Variants in KLF12 observed in about 807,000 individuals in gnomAD.
KLF12 encodes Krueppel-like factor 12.
A neutral mutation model predicts 37.8 loss-of-function variants in KLF12; 9 were observed. The ratio of observed to expected loss-of-function variants is 0.24; its 90% CI spans 0.14 to 0.42. The LOEUF (loss-of-function observed/expected upper bound fraction) is 0.42. Among genes scored for constraint, KLF12 ranks in the 10% least tolerant of loss-of-function variants. The pLI is 1.00. For missense variants in KLF12, 411 were observed against 516.0 expected (o/e 0.80, Z 1.97); for synonymous variants, 208 against 202.1 (o/e 1.03, Z -0.25).
At chr13:73,738,064 TATATACACACACATATATGTATGTGTAC>T (rs1191128019) in intron 6 of KLF12, among the ~76,000 whole-genome samples, 8 of 148,532 alleles carry the variant, frequency 5.4e-5, no homozygotes, top group Admixed American at 2.0e-4. Flanking sequence ...TGTATATATA[TATATACACACACATATATGTATGTGTAC>T]ATATATATAT....
intron 3 of KLF12, among the ~76,000 whole-genome samples, chr13:73,890,654 A>C (rs901340122): frequency 6.6e-6 from 1 of 151,698 alleles, no homozygotes; most frequent in African/African-American, 2.4e-5. Flanking sequence ...GACTAGACCA[A>C]ATCAGAATGG....
At chr13:73,992,275 T>G (rs1891989293) in intron 2 of KLF12, among the ~76,000 whole-genome samples, 1 of 152,208 alleles carries the variant, frequency 6.6e-6, no homozygotes, top group Non-Finnish European at 1.5e-5. Context: ...CTGAAGTGTG[T>G]ATCCACCAGA....
intron 1 of KLF12, among the ~76,000 whole-genome samples, chr13:74,014,231 A>T (rs1311598873): frequency 6.6e-6 from 1 of 152,226 alleles, no homozygotes; most frequent in Non-Finnish European, 1.5e-5. Flanking sequence ...GTATTTCAGC[A>T]GTTGAGGCAC....
chr13:73,718,041 T>G (rs1244606597), intron 6 of KLF12, among the ~76,000 whole-genome samples: 1 of 152,238 alleles, frequency 6.6e-6, no homozygotes, highest in African/African-American at 2.4e-5. Context: ...AGTATTTGTT[T>G]TCTGCAAGTT....
chr13:73,809,478 G>A (rs1001582597), intron 5 of KLF12, among the ~76,000 whole-genome samples: 4 of 99,870 alleles, frequency 4.0e-5, no homozygotes, highest in Admixed American at 3.9e-4. Context: ...TGTGCACACT[G>A]AAAGTTAACT....
intron 3 of KLF12, among the ~76,000 whole-genome samples, chr13:73,897,457 C>T (rs955582554): frequency 2.0e-5 from 3 of 152,170 alleles, no homozygotes; most frequent in Non-Finnish European, 2.9e-5. Flanking sequence ...TCAGCTCCCC[C>T]ATCCGAATCA....
chr13:74,178,374 G>T, the KLF12 span, among the ~76,000 whole-genome samples: 1 of 152,184 alleles, frequency 6.6e-6, no homozygotes, highest in African/African-American at 2.4e-5. Context: ...TGCCTTAAAA[G>T]AAATGGGTTC....
chr13:73,898,656 G>T (rs931553012), intron 3 of KLF12, among the ~76,000 whole-genome samples: 3 of 152,122 alleles, frequency 2.0e-5, no homozygotes, highest in South Asian at 2.1e-4. Flanking sequence ...ACAAGGAGGG[G>T]CTTACCCTAA....
At chr13:73,849,406 G>A (rs2138712344) in intron 3 of KLF12, among the ~76,000 whole-genome samples, 1 of 143,378 alleles carries the variant, frequency 7.0e-6, no homozygotes, top group African/African-American at 2.8e-5. Flanking sequence ...AAAAAGCATT[G>A]GTTCTGAGAT....
At chr13:73,989,398 A>T (rs1472517770) in intron 2 of KLF12, among the ~76,000 whole-genome samples, 1 of 152,236 alleles carries the variant, frequency 6.6e-6, no homozygotes, top group Non-Finnish European at 1.5e-5. Flanking sequence ...ACATCAGACT[A>T]AGTGAATACA....
intron 1 of KLF12, among the ~76,000 whole-genome samples, chr13:74,082,279 G>A (rs1029561713): frequency 6.6e-6 from 1 of 151,802 alleles, no homozygotes; most frequent in Non-Finnish European, 1.5e-5. Context: ...CTGCCATCCA[G>A]CCTTCACAAT....
At chr13:73,867,965 G>A (rs973911886) in intron 3 of KLF12, among the ~76,000 whole-genome samples, 1 of 150,786 alleles carries the variant, frequency 6.6e-6, no homozygotes, top group Non-Finnish European at 1.5e-5. Context: ...AGGTTGCAGT[G>A]AGCCAAGATT....
At chr13:74,087,997 C>T (rs942997640) in intron 1 of KLF12, among the ~76,000 whole-genome samples, 5 of 152,016 alleles carry the variant, frequency 3.3e-5, no homozygotes, top group African/African-American at 1.2e-4. Flanking sequence ...TACCAATATA[C>T]TCTTATTCCT....
chr13:73,802,496 G>A (rs2138352274), intron 5 of KLF12, among the ~76,000 whole-genome samples: 1 of 151,698 alleles, frequency 6.6e-6, no homozygotes. Flanking sequence ...TCAGATTTAG[G>A]GGCAACAATG....
At chr13:74,297,382 C>G in the KLF12 span, among the ~76,000 whole-genome samples, 1 of 152,174 alleles carries the variant, frequency 6.6e-6, no homozygotes, top group African/African-American at 2.4e-5. Context: ...CTGGACTTCT[C>G]CGAACCTTTA....
In KLF12 at chr13:74,096,369, T is replaced by C. The variant is rs543866264; in HGVS notation, c.-32+37370A>G. Among the ~76,000 whole-genome samples, 64 of 152,180 alleles carry C rather than the reference T, an allele frequency of 4.2e-4. No individual in the cohort carries two copies. The South Asian group carries it at 0.013, about 30-fold the overall frequency. ...ATCTAAAAGTGAACTAGACCACATA[T>C]AACTACAGGAAGAAATCCCCTCTCT... On this transcript the variant is annotated intron_variant, in intron 1 of 7. Transcript: ENST00000377669.
intron 1 of KLF12, among the ~76,000 whole-genome samples, chr13:74,031,681 T>G (rs1163308660): frequency 6.6e-6 from 1 of 152,076 alleles, no homozygotes; most frequent in Non-Finnish European, 1.5e-5. Flanking sequence ...ATAACTAAAA[T>G]AGTTAATATC....
chr13:74,192,701 T>C, the KLF12 span, among the ~76,000 whole-genome samples: 1 of 152,224 alleles, frequency 6.6e-6, no homozygotes, highest in Non-Finnish European at 1.5e-5. Context: ...TTGGATGTCT[T>C]ACATTAAAGA....
the KLF12 span, among the ~76,000 whole-genome samples, chr13:74,174,335 C>CTTT: frequency 2.3e-3 from 305 of 133,150 alleles, 2 homozygotes; most frequent in African/African-American, 8.0e-3. Context: ...TCTTTCTTTT[C>CTTT]TTTTTTTTTT....
Sources: allele counts gnomAD v4.1 joint callset (sites outside exome capture counted in the v4.1 genomes callset), GRCh38; gene constraint gnomAD v4.1.1; transcripts MANE v1.5; gene names NCBI Gene and HGNC (gene_info 2026-07-23, HGNC 2026-07-21).